The following MYOCOS variants were observed in gnomAD, a reference collection of about 807,000 sequenced individuals.
The protein encoded by MYOCOS is myocilin opposite strand protein.
At chr1:171,614,912 G>A (rs1408478822) in exon 2 of MYOCOS, 1 of 152,216 alleles carries the variant, frequency 6.6e-6, no homozygotes, top group East Asian at 1.9e-4. Flanking sequence ...GCAGAGGTCT[G>A]AGCAAATGCA....
At chr1:171,612,710 A>G (rs1007456850) in intron 1 of MYOCOS, among the ~76,000 whole-genome samples, 3 of 152,056 alleles carry the variant, frequency 2.0e-5, no homozygotes, top group Non-Finnish European at 2.9e-5. Context: ...CATGCCTGTA[A>G]TCCCAGCTAC....
At chr1:171,618,362 T>C (rs1050675733), upstream of MYOCOS, among the ~76,000 whole-genome samples, 1 of 152,212 alleles carries the variant, frequency 6.6e-6, no homozygotes, top group Non-Finnish European at 1.5e-5. Flanking sequence ...AAAAATTATA[T>C]TGGCCTTAGA....
At chr1:171,618,697 T>G (rs1652495102), upstream of MYOCOS, among the ~76,000 whole-genome samples, 1 of 152,314 alleles carries the variant, frequency 6.6e-6, no homozygotes, top group South Asian at 2.1e-4. Context: ...TGTCTCTGCC[T>G]CCCGAGTAGC....
chr1:171,605,394 C>CA (rs1553253256), intron 1 of MYOCOS, among the ~76,000 whole-genome samples: 120 of 127,550 alleles, frequency 9.4e-4, no homozygotes, highest in African/African-American at 3.6e-3. Flanking sequence ...CACACACACA[C>CA]AAAAAAAAAA....
At chr1:171,624,477 C>G (rs112952952) in intron 2 of MYOCOS, among the ~76,000 whole-genome samples, 22,326 of 148,148 alleles carry the variant, frequency 0.15, 1,905 homozygotes, top group Middle Eastern at 0.32. Context: ...GACGGAGTCT[C>G]TCTCTGTCGC....
upstream of MYOCOS, among the ~76,000 whole-genome samples, chr1:171,620,102 T>A (rs955139477): frequency 1.2e-4 from 17 of 147,186 alleles, no homozygotes; most frequent in African/African-American, 3.0e-4. Context: ...ATATATAAAA[T>A]ATATATATAT....
At chr1:171,622,711 G>A (rs906067524) in intron 1 of MYOCOS, among the ~76,000 whole-genome samples, 2 of 152,114 alleles carry the variant, frequency 1.3e-5, no homozygotes, top group Non-Finnish European at 2.9e-5. Context: ...GTGTGACCTG[G>A]TGTCTAGGAA....
intron 1 of MYOCOS, among the ~76,000 whole-genome samples, chr1:171,609,845 G>T (rs1160587244): frequency 1.3e-5 from 2 of 152,188 alleles, no homozygotes; most frequent in Non-Finnish European, 2.9e-5. Flanking sequence ...CAGGAATGCA[G>T]GTGCAGCTTA....
At chr1:171,602,293 C>T (rs1652158799) in intron 1 of MYOCOS, among the ~76,000 whole-genome samples, 1 of 151,720 alleles carries the variant, frequency 6.6e-6, no homozygotes, top group African/African-American at 2.4e-5. Flanking sequence ...GTAATAAGGC[C>T]TCCTGAGTAC....
chr1:171,603,742 T>C (rs1421863658), intron 1 of MYOCOS, among the ~76,000 whole-genome samples: 2 of 152,242 alleles, frequency 1.3e-5, no homozygotes, highest in Non-Finnish European at 2.9e-5. Flanking sequence ...ACCCAGACTG[T>C]AAGGCCCTGG....
intron 1 of MYOCOS, among the ~76,000 whole-genome samples, chr1:171,603,813 T>C (rs1430315920): frequency 6.6e-6 from 1 of 152,248 alleles, no homozygotes; most frequent in Non-Finnish European, 1.5e-5. Flanking sequence ...CTGGCCCCCA[T>C]GTCCAATGGC....
chr1:171,612,462 G>T (rs1447007544), intron 1 of MYOCOS, among the ~76,000 whole-genome samples: 1 of 152,010 alleles, frequency 6.6e-6, no homozygotes, highest in Non-Finnish European at 1.5e-5. Context: ...CATTGACTTG[G>T]GGGGAAGCAG....
chr1:171,616,893 G>A (rs1270642822), intron 2 of MYOCOS, among the ~76,000 whole-genome samples: 2 of 152,274 alleles, frequency 1.3e-5, no homozygotes. Context: ...ACATGGGAAG[G>A]TTCATCATTT....
At chr1:171,616,725 G>A (rs913259665) in intron 2 of MYOCOS, among the ~76,000 whole-genome samples, 1 of 152,140 alleles carries the variant, frequency 6.6e-6, no homozygotes, top group Non-Finnish European at 1.5e-5. Context: ...ATCTGGGCTG[G>A]AGAGACAGAT....
In MYOCOS at chr1:171,626,504, A is replaced by G; in HGVS notation, c.146A>G (p.His49Arg). The G allele has an allele frequency of 2.5e-6, 1 of 398,648 alleles. No homozygotes were observed. Among genetic ancestry groups the G allele is most frequent in the Admixed American group, 4.4e-5 (1 of 22,744 alleles). The allele number at this position is 398,648 out of a possible 1,614,324, so 24.7% of individuals were successfully genotyped here. ...KSDEAKEMLS[H>R]LDLEQAPPPH... ...GATGAAGCTAAGGAGATGCTCTCCC[A>G]CTTGGATTTGGAGCAAGCCCCTCCC... Residue 49 changes from histidine to arginine, a missense_variant, in exon 3 of 3, where the codon CAC (histidine) becomes CGC (arginine). Coordinates refer to ENST00000637642, the MANE Select transcript of MYOCOS (RefSeq NM_001391940.1).
intron 1 of MYOCOS, among the ~76,000 whole-genome samples, chr1:171,602,594 G>A (rs1652164391): frequency 6.6e-6 from 1 of 151,890 alleles, no homozygotes; most frequent in Non-Finnish European, 1.5e-5. Context: ...ATTATAAAAA[G>A]TTAAAAAGAG....
At chr1:171,602,614 T>C (rs561670215) in intron 1 of MYOCOS, among the ~76,000 whole-genome samples, 4 of 152,098 alleles carry the variant, frequency 2.6e-5, no homozygotes, top group Admixed American at 1.3e-4. Context: ...GTCTATAAAA[T>C]CTTACCTTAT....
chr1:171,608,654 C>A (rs1652299541), intron 1 of MYOCOS, among the ~76,000 whole-genome samples: 1 of 151,994 alleles, frequency 6.6e-6, no homozygotes, highest in East Asian at 1.9e-4. Context: ...ATCTCCTGAC[C>A]TCATGATCTG....
chr1:171,622,549 G>A (rs1349014584), intron 1 of MYOCOS, among the ~76,000 whole-genome samples: 1 of 152,162 alleles, frequency 6.6e-6, no homozygotes, highest in Non-Finnish European at 1.5e-5. Flanking sequence ...CCATGAGTTG[G>A]TGCGTAAAAG....
Sources: gnomAD v4.1 joint callset for allele counts (sites outside exome capture counted in the v4.1 genomes callset) on GRCh38, gnomAD v4.1.1 for gene constraint, MANE v1.5 for transcripts, NCBI Gene and HGNC (gene_info 2026-07-23, HGNC 2026-07-21) for gene names.